ZNF469: variants seen among roughly 807,000 people sequenced by gnomAD.
The protein encoded by ZNF469 is zinc finger protein 469.
In ZNF469, 1 loss-of-function variant was observed where a neutral mutation model predicts 1.0. That is an observed-to-expected ratio of 1.00 (90% CI 0.35 to 4.73). ZNF469 has a LOEUF of 4.73. ZNF469 is among the 30% of genes most tolerant of loss of function. The pLI is 0.16. For missense variants in ZNF469, 6,100 were observed against 5,356.3 expected (o/e 1.14, Z -4.33); for synonymous variants, 2,703 against 2,363.4 (o/e 1.14, Z -4.17).
At chr16:88,265,685 G>A in the ZNF469 span, among the ~76,000 whole-genome samples, 145 of 152,314 alleles carry the variant, frequency 9.5e-4, 1 homozygote, top group African/African-American at 3.4e-3. Context: ...CAGGAAACCC[G>A]CCCGTCCTGG....
At chr16:88,394,916 C>T (rs1020752291) in intron 1 of ZNF469, among the ~76,000 whole-genome samples, 4 of 152,200 alleles carry the variant, frequency 2.6e-5, no homozygotes, top group Admixed American at 6.5e-5. Flanking sequence ...GTACTCACCC[C>T]GATCCCTCCC....
At chr16:88,418,906 C>T (rs1360923417) in intron 1 of ZNF469, among the ~76,000 whole-genome samples, 2 of 151,918 alleles carry the variant, frequency 1.3e-5, no homozygotes, top group South Asian at 2.1e-4. Flanking sequence ...AGCAGCGCTG[C>T]AGCCCCGTAC....
chr16:88,378,253 G>A (rs1196641880), upstream of ZNF469, among the ~76,000 whole-genome samples: 3 of 152,288 alleles, frequency 2.0e-5, no homozygotes, highest in Middle Eastern at 3.4e-3. Flanking sequence ...GGAGCAGGGG[G>A]CACCGGGGCC....
chr16:88,182,407 C>G, the ZNF469 span, among the ~76,000 whole-genome samples: 1 of 151,962 alleles, frequency 6.6e-6, no homozygotes, highest in African/African-American at 2.4e-5. Flanking sequence ...AATTAAAAGG[C>G]ACTTAAATAA....
the ZNF469 span, among the ~76,000 whole-genome samples, chr16:88,188,189 C>T: frequency 6.6e-6 from 1 of 152,106 alleles, no homozygotes; most frequent in Non-Finnish European, 1.5e-5. Context: ...CTCCTCCTTT[C>T]CTTCCAAGGT....
chr16:88,231,629 C>T, the ZNF469 span, among the ~76,000 whole-genome samples: 1 of 152,206 alleles, frequency 6.6e-6, no homozygotes, highest in African/African-American at 2.4e-5. The surrounding 1 kb of genome is among the most constrained non-coding windows in gnomAD (Gnocchi z 4.5). Flanking sequence ...CCTTCCTCCA[C>T]CTTCCAGGCC....
At chr16:88,241,626 G>A in the ZNF469 span, among the ~76,000 whole-genome samples, 3 of 152,188 alleles carry the variant, frequency 2.0e-5, no homozygotes, top group Non-Finnish European at 2.9e-5. This position sits in a 1 kb window ranked among gnomAD's most constrained non-coding sequence, Gnocchi z 4.8. Flanking sequence ...CTGGCAGGGA[G>A]TGTTGACATC....
At chr16:88,232,459 C>T in the ZNF469 span, among the ~76,000 whole-genome samples, 5 of 152,200 alleles carry the variant, frequency 3.3e-5, no homozygotes, top group Admixed American at 1.3e-4. Context: ...CGGGGGTGTC[C>T]AGGCACTGGC....
the ZNF469 span, among the ~76,000 whole-genome samples, chr16:88,163,519 T>C: frequency 6.6e-6 from 1 of 150,896 alleles, no homozygotes; most frequent in African/African-American, 2.4e-5. Flanking sequence ...GATGGATGGA[T>C]GGATGGATGG....
chr16:88,341,312 C>T, the ZNF469 span, among the ~76,000 whole-genome samples: 16,411 of 152,138 alleles, frequency 0.11, 1,169 homozygotes, highest in African/African-American at 0.2. Context: ...GCCCAGGAGG[C>T]GCATGGGCCA....
chr16:88,364,874 A>G, the ZNF469 span, among the ~76,000 whole-genome samples: 1 of 152,202 alleles, frequency 6.6e-6, no homozygotes, highest in Non-Finnish European at 1.5e-5. Flanking sequence ...CTGAGACAGG[A>G]GAATCCGTTG....
the ZNF469 span, among the ~76,000 whole-genome samples, chr16:88,232,140 G>C: frequency 6.6e-6 from 1 of 152,194 alleles, no homozygotes; most frequent in East Asian, 1.9e-4. Context: ...AACGTTGACG[G>C]CAAGGTCCCT....
chr16:88,423,231 GTGGA>G (rs1329377101), intron 1 of ZNF469, among the ~76,000 whole-genome samples: 17 of 142,388 alleles, frequency 1.2e-4, no homozygotes, highest in East Asian at 4.5e-4. Context: ...GGATAGGTGG[GTGGA>G]TGGATGGATG....
the ZNF469 span, among the ~76,000 whole-genome samples, chr16:88,229,539 G>GCGTGGATGTCACA: frequency 6.6e-6 from 1 of 150,638 alleles, no homozygotes; most frequent in Non-Finnish European, 1.5e-5. Context: ...CTGATGTCAC[G>GCGTGGATGTCACA]CGTGTGGATG....
the ZNF469 span, among the ~76,000 whole-genome samples, chr16:88,343,138 C>T: frequency 3.9e-5 from 6 of 152,000 alleles, no homozygotes; most frequent in African/African-American, 1.5e-4. Context: ...GAAGCACAGG[C>T]ATCCTGTCTC....
At chr16:88,400,978 G>T (rs750004947) in intron 1 of ZNF469, among the ~76,000 whole-genome samples, 1 of 152,062 alleles carries the variant, frequency 6.6e-6, no homozygotes, top group South Asian at 2.1e-4. Context: ...ACCGGAGGGG[G>T]ATGGAAGGGC....
chr16:88,430,308 G>C lies in ZNF469; in HGVS notation c.2838G>C (p.Arg946Ser). 1 of 1,515,932 alleles carries C rather than the reference G, an allele frequency of 6.6e-7. No homozygotes were observed. Among genetic ancestry groups the C allele is most frequent in the Non-Finnish European group, 8.8e-7 (1 of 1,135,220 alleles). The allele number at this position is 1,515,932 out of a possible 1,614,324, so 93.9% of individuals were successfully genotyped here. A position where few individuals can be genotyped will look rare whatever the true frequency, so the allele number is the denominator to read the frequency against. Reference sequence around the variant, plus strand: ...CGCCCAGCCAGGGCAGGCAGCAGAGGAGGGGGAAGCAGTTGAAGCTGTTCC... The same window carrying C: ...CGCCCAGCCAGGGCAGGCAGCAGAGCAGGGGGAAGCAGTTGAAGCTGTTCC... ...ADAPSQGRQQRRGKQLKLFRK... is the reference protein window; with the variant it reads ...ADAPSQGRQQSRGKQLKLFRK... The change falls in exon 3 of 3, where the codon AGG (arginine) becomes AGC (serine). Residue 946 changes from arginine (R) to serine (S), a missense_variant. Transcript: ENST00000565624.
the ZNF469 span, among the ~76,000 whole-genome samples, chr16:88,210,230 A>C: frequency 6.6e-6 from 1 of 151,636 alleles, no homozygotes; most frequent in South Asian, 2.1e-4. Flanking sequence ...TCATTTTCCT[A>C]TTGGGTCTTT....
the ZNF469 span, among the ~76,000 whole-genome samples, chr16:88,105,717 A>G: frequency 5.3e-5 from 8 of 152,240 alleles, no homozygotes; most frequent in Non-Finnish European, 8.8e-5. Flanking sequence ...CTGAGTGCTA[A>G]GTTGTAAAGA....
Sources: gnomAD v4.1 joint callset for allele counts (sites outside exome capture counted in the v4.1 genomes callset) on GRCh38, gnomAD v4.1.1 for gene constraint, Gnocchi (gnomAD v3.1) non-coding constraint, MANE v1.5 for transcripts, NCBI Gene and HGNC (gene_info 2026-07-23, HGNC 2026-07-21) for gene names.